Variants in UNC5B observed in about 807,000 individuals in gnomAD.
UNC5B encodes netrin receptor UNC5B.
Under a neutral mutation model 103.7 loss-of-function variants are expected in UNC5B, and 56 were observed. That is an observed-to-expected ratio of 0.54 (90% confidence interval 0.44 to 0.67). The LOEUF (loss-of-function observed/expected upper bound fraction) is 0.67. UNC5B is among the 30% of genes least tolerant of loss of function. The pLI is 0.00. For synonymous variants in UNC5B, 577 were observed against 542.0 expected, an observed-to-expected ratio of 1.06 and a Z score of -0.90; for missense variants, 1,194 against 1,284.5, an observed-to-expected ratio of 0.93 and a Z score of 1.08.
chr10:71,214,098 G>C (rs116127808), intron 1 of UNC5B, among the ~76,000 whole-genome samples: 3,256 of 152,210 alleles, frequency 0.021, 105 homozygotes, highest in African/African-American at 0.071. Flanking sequence ...CTGCCGGGCG[G>C]CTCGGCTCCG....
intron 1 of UNC5B, among the ~76,000 whole-genome samples, chr10:71,216,479 G>A (rs1204081832): frequency 6.6e-6 from 1 of 152,170 alleles, no homozygotes; most frequent in African/African-American, 2.4e-5. Context: ...CCCCAGCATT[G>A]GCCTCCTGAG....
chr10:71,294,717 C>T (rs752814664), intron 13 of UNC5B, among the ~76,000 whole-genome samples: 1 of 151,938 alleles, frequency 6.6e-6, no homozygotes, highest in Non-Finnish European at 1.5e-5. Flanking sequence ...AGAGCGGTGC[C>T]CCAAGTGAAG....
intron 1 of UNC5B, among the ~76,000 whole-genome samples, chr10:71,215,116 C>G (rs1489528862): frequency 6.6e-6 from 1 of 152,220 alleles, no homozygotes; most frequent in African/African-American, 2.4e-5. Context: ...TTGTTTTTCT[C>G]TAATGCCACA....
chr10:71,299,374 C>G lies in UNC5B; in HGVS notation c.*97C>G, dbSNP rs1845531572. The G allele has an allele frequency of 4.0e-6, 6 of 1,491,538 alleles. No homozygotes were observed. In the Admixed American group the frequency reaches 1.1e-4, roughly 28 times the overall value. The allele number at this position is 1,491,538 out of a possible 1,614,324, so 92.4% of individuals were successfully genotyped here. The stretch of plus-strand genomic sequence containing the variant: ...TGGGGATGTTTGGCCTCTGCTTCCT[C>G]CCAGTTCACAGCCAGAGTTGCCTCT... On this transcript the variant is annotated 3_prime_UTR_variant, in exon 17 of 17. Transcript: ENST00000335350.
intron 1 of UNC5B, among the ~76,000 whole-genome samples, chr10:71,232,113 T>C (rs1020295828): frequency 1.3e-5 from 2 of 152,214 alleles, no homozygotes; most frequent in Non-Finnish European, 2.9e-5. Flanking sequence ...TTGACCCTCA[T>C]AGATGAGTTG....
chr10:71,299,147 C>A lies in UNC5B; in HGVS notation c.2708C>A (p.Thr903Lys). 6.2e-7 allele frequency: 1 copy of A among 1,614,222 alleles called. No homozygotes were observed. Among genetic ancestry groups the A allele is most frequent in the East Asian group, 2.2e-5 (1 of 44,878 alleles). Residue 903 changes from threonine (T) to lysine (K), a missense_variant, in exon 17 of 17, where the codon ACG becomes AAG. By Grantham distance (78) the Thr-to-Lys change is moderately conservative (BLOSUM62 -1). Coordinates refer to ENST00000335350, the MANE Select transcript of UNC5B (RefSeq NM_170744.5). ...TACTTTGCCACCAAAGCGAGCCCCA[C>A]GGGTGTGATCCTGGACCTCTGGGAA... ...LNYFATKASPTGVILDLWEAL... is the reference protein window; with the variant it reads ...LNYFATKASPKGVILDLWEAL...
intron 1 of UNC5B, among the ~76,000 whole-genome samples, chr10:71,254,254 C>T (rs1844240814): frequency 1.3e-5 from 2 of 152,218 alleles, no homozygotes; most frequent in Admixed American, 1.3e-4. Context: ...GGAGTCTTCT[C>T]CCGTCACAAG....
intron 15 of UNC5B, 26 bp from the exon 16 acceptor site, chr10:71,297,883 C>T (rs897832815): frequency 6.3e-7 from 1 of 1,598,956 alleles, no homozygotes; most frequent in Middle Eastern, 2.0e-4. Flanking sequence ...CTGTGCCCCT[C>T]TCACTCTTGG....
chr10:71,274,400 A>G (rs1413867569), intron 1 of UNC5B, among the ~76,000 whole-genome samples: 1 of 152,176 alleles, frequency 6.6e-6, no homozygotes, highest in Non-Finnish European at 1.5e-5. Context: ...TTAGAAGTCT[A>G]GCAATGGCTG....
At position 71,287,635 on chromosome 10, in the gene UNC5B, C is replaced by A. The variant is rs1224551024; in HGVS notation, c.771C>A (p.Pro257=). The part of the protein sequence containing the change: ...GGWSSWAEWS[P]CSNRCGRGWQ... Reference sequence around the variant, plus strand: ...GGTCCAGCTGGGCAGAGTGGTCACCCTGCTCCAACCGCTGTGGCCGAGGCT... The same window carrying A: ...GGTCCAGCTGGGCAGAGTGGTCACCATGCTCCAACCGCTGTGGCCGAGGCT... The change falls in exon 6 of 17, where the codon CCC becomes CCA. Residue 257 remains proline, a synonymous_variant. Transcript: ENST00000335350. 1 of 1,611,360 alleles carries A rather than the reference C, an allele frequency of 6.2e-7. No homozygotes were observed. The highest frequency in any genetic ancestry group is 1.3e-5 in the African/African-American group (1 of 74,946).
chr10:71,250,543 T>C (rs1844149784), intron 1 of UNC5B, among the ~76,000 whole-genome samples: 1 of 152,182 alleles, frequency 6.6e-6, no homozygotes, highest in African/African-American at 2.4e-5. Flanking sequence ...CAGGTGGCTG[T>C]TTTGAAAGTT....
At chr10:71,233,589 G>A (rs778735789) in intron 1 of UNC5B, among the ~76,000 whole-genome samples, 5 of 152,138 alleles carry the variant, frequency 3.3e-5, no homozygotes, top group Non-Finnish European at 7.3e-5. Context: ...TCCCAGCCTG[G>A]CTTTAGTTTC....
intron 1 of UNC5B, among the ~76,000 whole-genome samples, chr10:71,233,082 C>G (rs1843713267): frequency 6.6e-6 from 1 of 152,220 alleles, no homozygotes; most frequent in African/African-American, 2.4e-5. Flanking sequence ...CTTGTCCATT[C>G]TGATGGCCTA....
In UNC5B at chr10:71,299,338, C is replaced by A. The variant is rs1845530749; in HGVS notation, c.*61C>A. 6.3e-7 allele frequency: 1 copy of A among 1,592,604 alleles called. No individual in the cohort carries two copies. The highest frequency in any genetic ancestry group is 1.1e-5 in the South Asian group (1 of 88,800). On this transcript the variant is annotated 3_prime_UTR_variant, in exon 17 of 17. Transcript: ENST00000335350. Reference sequence around the variant, plus strand: ...GAGGCAGGTGCAGGGAGGCCTGGGGCAGCCTCCTGATGGGGATGTTTGGCC... The same window carrying A: ...GAGGCAGGTGCAGGGAGGCCTGGGGAAGCCTCCTGATGGGGATGTTTGGCC...
chr10:71,287,539 T>TGG (rs1234389859), intron 5 of UNC5B, 59 bp from the exon 6 acceptor site: 4 of 1,525,702 alleles, frequency 2.6e-6, no homozygotes, highest in Non-Finnish European at 2.6e-6. Context: ...GGGACGGGTT[T>TGG]GGGGGAGGGC....
intron 1 of UNC5B, among the ~76,000 whole-genome samples, chr10:71,222,612 G>C (rs1241936606): frequency 6.6e-6 from 1 of 152,220 alleles, no homozygotes; most frequent in Non-Finnish European, 1.5e-5. Context: ...AGAACAGTGG[G>C]ACAGAGAGTC....
intron 1 of UNC5B, among the ~76,000 whole-genome samples, chr10:71,274,503 C>G (rs1844721749): frequency 6.6e-6 from 1 of 152,126 alleles, no homozygotes; most frequent in Admixed American, 6.5e-5. Flanking sequence ...TGATGAATTC[C>G]CCATCCCCAC....
intron 1 of UNC5B, among the ~76,000 whole-genome samples, chr10:71,278,595 A>C (rs1486665915): frequency 6.6e-6 from 1 of 152,250 alleles, no homozygotes; most frequent in Non-Finnish European, 1.5e-5. Context: ...TGTTCTTGGA[A>C]AACCAGGTGT....
At chr10:71,244,979 G>A (rs1205366229) in intron 1 of UNC5B, among the ~76,000 whole-genome samples, 1 of 152,242 alleles carries the variant, frequency 6.6e-6, no homozygotes. Context: ...GTGCATGTGT[G>A]TGTTTATTTT....
Sources: gnomAD v4.1 joint callset for allele counts (sites outside exome capture counted in the v4.1 genomes callset) on GRCh38, gnomAD v4.1.1 for gene constraint, MANE v1.5 for transcripts, NCBI Gene and HGNC (gene_info 2026-07-23, HGNC 2026-07-21) for gene names.